Variants in FAM83A observed in about 807,000 individuals in gnomAD.
The protein encoded by FAM83A is scaffolding CK1 anchoring protein A.
FAM83A carries 21 observed loss-of-function variants against 24.4 expected under a neutral mutation model. The ratio of observed to expected loss-of-function variants is 0.86; its 90% CI spans 0.61 to 1.24. FAM83A has a LOEUF of 1.24. Ranked by LOEUF, FAM83A falls within the 50% of genes most tolerant of loss-of-function variation. The pLI is 0.00. For missense variants in FAM83A, 617 were observed against 579.8 expected (o/e 1.06, Z -0.66); for synonymous variants, 270 against 252.4 (o/e 1.07, Z -0.66).
Position 123,194,022 on chromosome 8 carries a change from A to G in FAM83A, c.649-2A>G, listed in dbSNP as rs757949900. 2 of 1,614,044 alleles carry G rather than the reference A, an allele frequency of 1.2e-6. No homozygotes were observed. The highest frequency in any genetic ancestry group is 2.7e-5 in the African/African-American group (2 of 74,946). ...GTGACACCTTGACTTTCCCTCCAAC[A>G]GAACATTTCCATCCGGAGTGTGGAA... is the stretch of plus-strand genomic sequence containing the variant. On this transcript the variant is annotated splice_acceptor_variant, in intron 2 of 3. Coordinates refer to ENST00000690554, the Ensembl canonical transcript of FAM83A. LOFTEE classifies it high-confidence loss of function.
rs187582985 is a variant in FAM83A, at chr8:123,203,292, T to A, written c.774-3865T>A. ...TATTACAATTAAGAATGTTGGTTCA[T>A]TGAAAGACATCTTGGCTGGGTGCGG... On this transcript the variant is annotated intron_variant, in intron 3 of 3. Transcript: ENST00000690554. 4.8e-4 allele frequency among the ~76,000 whole-genome samples: 72 copies of A among 151,354 alleles called. No individual in the cohort carries two copies. The East Asian group carries it at 0.013, about 27-fold the overall frequency.
intron 3 of FAM83A, among the ~76,000 whole-genome samples, chr8:123,194,776 C>A (rs1824093307): frequency 6.6e-6 from 1 of 152,200 alleles, no homozygotes; most frequent in Non-Finnish European, 1.5e-5. Flanking sequence ...AGCCACTGCA[C>A]CCAGCCCCGT....
intron 3 of FAM83A, among the ~76,000 whole-genome samples, chr8:123,205,485 C>T (rs992803165): frequency 2.6e-5 from 4 of 152,208 alleles, no homozygotes; most frequent in Admixed American, 2.0e-4. Flanking sequence ...TAAACAAAGC[C>T]TCATTGCTGT....
chr8:123,207,569 G>T (rs1033289044), exon 4 of FAM83A: 1 of 1,569,630 alleles, frequency 6.4e-7, no homozygotes, highest in Non-Finnish European at 8.6e-7. Flanking sequence ...CCCGCCCGCC[G>T]CTGTCTACAG....
At chr8:123,182,749 T>A (rs1291370420) in exon 1 of FAM83A, 4 of 1,482,026 alleles carry the variant, frequency 2.7e-6, no homozygotes, top group African/African-American at 2.8e-5. Flanking sequence ...GCAGGCGGCC[T>A]CCCGGGGGTG....
chr8:123,204,337 T>C lies in FAM83A; in HGVS notation c.774-2820T>C, dbSNP rs192283504. Among the ~76,000 whole-genome samples the C allele has an allele frequency of 3.1e-3, 466 of 152,312 alleles. 1 individual carries two copies. Among genetic ancestry groups the C allele is most frequent in the African/African-American group, 0.011 (445 of 41,562 alleles). ...AGTGGGTTCATAAGTGCTTACTATA[T>C]TACTTAAAATCACCAATTAAATAGT... On this transcript the variant is annotated intron_variant, in intron 3 of 3. Coordinates refer to ENST00000690554, the Ensembl canonical transcript of FAM83A.
chr8:123,184,878 T>A (rs1375867859), intron 1 of FAM83A, among the ~76,000 whole-genome samples: 1 of 152,210 alleles, frequency 6.6e-6, no homozygotes, highest in Non-Finnish European at 1.5e-5. Context: ...TTTGGGTTGG[T>A]TTTTTGCTAG....
At chr8:123,184,188 T>A (rs1823716967) in intron 1 of FAM83A, among the ~76,000 whole-genome samples, 1 of 152,126 alleles carries the variant, frequency 6.6e-6, no homozygotes, top group South Asian at 2.1e-4. Context: ...CATGCTTGCC[T>A]GCCCTGCTTT....
intron 1 of FAM83A, among the ~76,000 whole-genome samples, chr8:123,184,364 C>T (rs1354264037): frequency 6.6e-6 from 1 of 152,156 alleles, no homozygotes; most frequent in African/African-American, 2.4e-5. Flanking sequence ...CTCTCAGACT[C>T]TGCTAAGACC....
At chr8:123,205,120 A>T (rs955016982) in intron 3 of FAM83A, among the ~76,000 whole-genome samples, 58 of 152,074 alleles carry the variant, frequency 3.8e-4, no homozygotes, top group African/African-American at 1.2e-3. Context: ...TCAAAAAAAA[A>T]TTTTAAAAGA....
At chr8:123,198,976 T>C (rs908799954) in intron 3 of FAM83A, among the ~76,000 whole-genome samples, 4 of 152,080 alleles carry the variant, frequency 2.6e-5, no homozygotes, top group Admixed American at 1.3e-4. Flanking sequence ...TTGACCTCAA[T>C]TGATGCGCCC....
intron 1 of FAM83A, among the ~76,000 whole-genome samples, chr8:123,185,964 T>C (rs1366278849): frequency 1.3e-5 from 2 of 152,096 alleles, no homozygotes; most frequent in Admixed American, 6.5e-5. Context: ...CTAATTTTTG[T>C]ATTTTTAGTA....
In FAM83A at chr8:123,209,296, C is replaced by G; in HGVS notation, c.*1608C>G. The G allele has an allele frequency of 5.1e-6, 7 of 1,370,242 alleles. No homozygotes were observed. Among genetic ancestry groups the G allele is most frequent in the Non-Finnish European group, 6.5e-6 (7 of 1,070,212 alleles). 84.9% of individuals were successfully genotyped at this position (1,370,242 alleles called of 1,614,324 possible). On this transcript the variant is annotated 3_prime_UTR_variant, in exon 4 of 4. Transcript: ENST00000690554. This position sits in a 1 kb window ranked among gnomAD's most constrained non-coding sequence, Gnocchi z 4.7. Reference sequence around the variant, plus strand: ...TGGCATCCTCCCTAGTCCCCTCTGCCCATCCATCCCTCTGTTCCAATTCTC... The same window carrying G: ...TGGCATCCTCCCTAGTCCCCTCTGCGCATCCATCCCTCTGTTCCAATTCTC...
At chr8:123,187,237 C>T (rs1047347755) in intron 1 of FAM83A, among the ~76,000 whole-genome samples, 1 of 152,138 alleles carries the variant, frequency 6.6e-6, no homozygotes, top group African/African-American at 2.4e-5. Context: ...TAGAGGCTGT[C>T]GGGGCCAGAG....
At chr8:123,203,522 A>G (rs1824429967) in intron 3 of FAM83A, among the ~76,000 whole-genome samples, 1 of 140,496 alleles carries the variant, frequency 7.1e-6, no homozygotes, top group Non-Finnish European at 1.5e-5. Context: ...CAGGAGGCAG[A>G]GGTTGCAGTG....
rs142743626 is a variant in FAM83A, at chr8:123,207,185, C to A, written c.802C>A (p.Arg268=). The A allele has an allele frequency of 1.6e-5, 26 of 1,605,450 alleles. No homozygotes were observed. The Middle Eastern group carries it at 1.5e-3, about 92-fold the overall frequency. The change falls in exon 4 of 4, where the codon CGG becomes AGG. Residue 268 remains arginine, a synonymous_variant. Coordinates refer to ENST00000690554, the Ensembl canonical transcript of FAM83A. ...CACCTGGCTCTGCGGACACGTGCAC[C>A]GGAACATCCTCTCCAAGTTCACAGG...
chr8:123,192,612 C>A (rs1324922209), intron 2 of FAM83A, among the ~76,000 whole-genome samples: 8 of 152,204 alleles, frequency 5.3e-5, no homozygotes, highest in Admixed American at 1.3e-4. Flanking sequence ...GGGTGAACAG[C>A]TGATTGGTGG....
chr8:123,207,283 G>A (rs2131111220), exon 4 of FAM83A: 1 of 1,612,724 alleles, frequency 6.2e-7, no homozygotes, highest in East Asian at 2.2e-5. Context: ...TGGGCCTGAA[G>A]TCCCCGCGGC....
exon 4 of FAM83A, chr8:123,207,605 C>G: frequency 6.4e-7 from 1 of 1,565,696 alleles, no homozygotes; most frequent in Non-Finnish European, 8.6e-7. Flanking sequence ...CAGGCCCACG[C>G]GGCTGCAGCT....
Sources: allele counts gnomAD v4.1 joint callset (sites outside exome capture counted in the v4.1 genomes callset), GRCh38; gene constraint gnomAD v4.1.1; non-coding constraint Gnocchi (gnomAD v3.1); transcripts MANE v1.5; gene names NCBI Gene and HGNC (gene_info 2026-07-23, HGNC 2026-07-21).